Variants in LRRK1 observed in about 807,000 individuals in gnomAD.
LRRK1 encodes the protein leucine-rich repeat serine/threonine-protein kinase 1.
In LRRK1, 113 loss-of-function variants were observed where a neutral mutation model predicts 209.1. The observed-to-expected ratio is 0.54, with a 90% CI of 0.46 to 0.63. The LOEUF is 0.63. LRRK1 is among the 30% of genes least tolerant of loss of function. LRRK1 has a pLI of 0.00. For missense variants in LRRK1, 2,284 were observed against 2,632.2 expected, an observed-to-expected ratio of 0.87 and a Z score of 2.89; for synonymous variants, 1,144 against 1,099.7, an observed-to-expected ratio of 1.04 and a Z score of -0.80.
intron 6 of LRRK1, among the ~76,000 whole-genome samples, chr15:100,995,894 G>C (rs1417260841): frequency 6.6e-6 from 1 of 152,236 alleles, no homozygotes; most frequent in Non-Finnish European, 1.5e-5. Flanking sequence ...TAAAGAGAGA[G>C]GGACATCTAT....
chr15:101,027,123 A>C lies in LRRK1; in HGVS notation c.2406-138A>C, dbSNP rs1055352917. 2 of 1,084,224 alleles carry C rather than the reference A, an allele frequency of 1.8e-6. No individual in the cohort carries two copies. Among genetic ancestry groups the C allele is most frequent in the Non-Finnish European group, 2.6e-6 (2 of 760,788 alleles). The allele number at this position is 1,084,224 out of a possible 1,614,324, so 67.2% of individuals were successfully genotyped here. ...AGTGATTTGCACAAAGCAAGGCCTC[A>C]ATAAACTTCTTGTGTTGTCTTTCAC... On this transcript the variant is annotated intron_variant, in intron 17 of 33. Coordinates refer to ENST00000388948, the MANE Select transcript of LRRK1 (RefSeq NM_024652.6). The surrounding 1 kb of genome is among the most constrained non-coding windows in gnomAD (Gnocchi z 5.1).
chr15:100,956,570 A>G (rs2042769757), intron 2 of LRRK1, among the ~76,000 whole-genome samples: 1 of 149,270 alleles, frequency 6.7e-6, no homozygotes. Context: ...GGTTCAAGCA[A>G]CTCTCTGCCT....
chr15:101,068,626 A>G (rs775874670), intron 33 of LRRK1, 45 bp from the exon 34 acceptor site: 15 of 1,525,048 alleles, frequency 9.8e-6, no homozygotes, highest in South Asian at 9.0e-5. Flanking sequence ...ACCCCACCCG[A>G]GTGGGAACCC....
intron 33 of LRRK1, 56 bp downstream of exon 33, chr15:101,066,797 CCCTGCAGCCAGGT>C: frequency 7.2e-7 from 1 of 1,383,486 alleles, no homozygotes; most frequent in East Asian, 2.3e-5. Flanking sequence ...GCACAGAAGG[CCCTGCAGCCAGGT>C]CCTGCACAGT....
chr15:101,034,449 T>A (rs1442806616), intron 20 of LRRK1, among the ~76,000 whole-genome samples: 1 of 152,078 alleles, frequency 6.6e-6, no homozygotes, highest in East Asian at 1.9e-4. Context: ...AGATAGGGGG[T>A]CTAGTTCCAT....
chr15:101,030,963 T>C (rs1301844403), intron 20 of LRRK1, among the ~76,000 whole-genome samples: 1 of 152,168 alleles, frequency 6.6e-6, no homozygotes, highest in African/African-American at 2.4e-5. Context: ...CGCCTTTGCA[T>C]CCTGACAGCT....
intron 20 of LRRK1, among the ~76,000 whole-genome samples, chr15:101,042,851 A>G (rs888590370): frequency 6.6e-6 from 1 of 151,492 alleles, no homozygotes; most frequent in Non-Finnish European, 1.5e-5. Context: ...CTTTCCTCCT[A>G]CTCTCCTCTG....
chr15:101,002,845 C>T (rs2032765631), intron 6 of LRRK1, among the ~76,000 whole-genome samples: 1 of 152,222 alleles, frequency 6.6e-6, no homozygotes, highest in Admixed American at 6.5e-5. Flanking sequence ...GTGATTCGGC[C>T]TCAGCCTCCC....
In LRRK1 at chr15:100,919,639, C is replaced by A. The variant is rs1188148644; in HGVS notation, c.-123+188C>A. 6.6e-6 allele frequency among the ~76,000 whole-genome samples: 1 copy of A among 150,832 alleles called. No individual in the cohort carries two copies. Among genetic ancestry groups the A allele is most frequent in the Non-Finnish European group, 1.5e-5 (1 of 67,560 alleles). On this transcript the variant is annotated intron_variant, in intron 1 of 33. Transcript: ENST00000388948. This position sits in a 1 kb window ranked among gnomAD's most constrained non-coding sequence, Gnocchi z 5.8. Reference sequence around the variant, plus strand: ...TGCGCAGGGGCCGCGGCCCGAGGGGCGCGGAGGGCGTGTGGGGCGACCCCG... The same window carrying A: ...TGCGCAGGGGCCGCGGCCCGAGGGGAGCGGAGGGCGTGTGGGGCGACCCCG...
Position 100,947,015 on chromosome 15 carries a change from G to C in LRRK1, c.97+22286G>C, listed in dbSNP as rs181666716. On this transcript the variant is annotated intron_variant, in intron 2 of 33. Transcript: ENST00000388948. ...AGACGGAGTCCTGCTCTGTCACCAG[G>C]CTGGAGTGCAGTGTCACGATCTCAG... Among the ~76,000 whole-genome samples the C allele has an allele frequency of 2.0e-5, 3 of 151,906 alleles. No individual in the cohort carries two copies. In the East Asian group the frequency reaches 5.8e-4, roughly 29 times the overall value.
chr15:101,039,058 T>G (rs1246700578), intron 20 of LRRK1, among the ~76,000 whole-genome samples: 2 of 152,218 alleles, frequency 1.3e-5, no homozygotes, highest in Non-Finnish European at 2.9e-5. Context: ...TATGACACCC[T>G]CCAATTTTGT....
intron 3 of LRRK1, among the ~76,000 whole-genome samples, chr15:100,981,976 G>C (rs1348671413): frequency 6.6e-6 from 1 of 152,250 alleles, no homozygotes; most frequent in African/African-American, 2.4e-5. Context: ...AATCTGTGGA[G>C]GCCAGAAATG....
chr15:101,031,698 T>A (rs1453510239), intron 20 of LRRK1, among the ~76,000 whole-genome samples: 3 of 151,980 alleles, frequency 2.0e-5, no homozygotes, highest in Admixed American at 2.0e-4. Flanking sequence ...AGAGACTGTA[T>A]GCTCCTCCAA....
In LRRK1 at chr15:101,045,999, C is replaced by T. The variant is rs2035055460; in HGVS notation, c.2982C>T (p.Leu994=). Residue 994 remains leucine (L), a synonymous_variant, in exon 21 of 34, where the codon CTC becomes CTT. Transcript: ENST00000388948. ...VANDSYLLPH[L]LPSKPGLDTH... ...GTTTCAGCTACCTCCTGCCCCATCTCCTTCCATCTAAACCTGGCCTGGACA... is the reference window on the plus strand; with the variant it reads ...GTTTCAGCTACCTCCTGCCCCATCTTCTTCCATCTAAACCTGGCCTGGACA... 6.2e-7 allele frequency: 1 copy of T among 1,614,178 alleles called. No homozygotes were observed. The highest frequency in any genetic ancestry group is 8.5e-7 in the Non-Finnish European group (1 of 1,180,016).
intron 6 of LRRK1, among the ~76,000 whole-genome samples, chr15:100,997,999 T>G (rs955621049): frequency 8.6e-5 from 13 of 151,870 alleles, no homozygotes; most frequent in South Asian, 4.2e-4. Flanking sequence ...GCCAACATGG[T>G]GAAACCCCCC....
At chr15:101,003,265 T>C (rs2032789053) in intron 6 of LRRK1, among the ~76,000 whole-genome samples, 1 of 152,174 alleles carries the variant, frequency 6.6e-6, no homozygotes, top group Non-Finnish European at 1.5e-5. Flanking sequence ...GACTTCTGCT[T>C]TTTACCACTT....
chr15:100,964,915 A>G (rs1247028338), intron 2 of LRRK1, among the ~76,000 whole-genome samples: 1 of 152,210 alleles, frequency 6.6e-6, no homozygotes, highest in Non-Finnish European at 1.5e-5. Flanking sequence ...AAAACAGTAC[A>G]AAGAGAATTT....
At chr15:100,973,255 C>G (rs7166631) in intron 2 of LRRK1, among the ~76,000 whole-genome samples, 8,159 of 152,322 alleles carry the variant, frequency 0.054, 339 homozygotes, top group African/African-American at 0.11. Flanking sequence ...CAGCGCGACC[C>G]GAGGCCCGGT....
chr15:101,058,600 G>T (rs2035952137), intron 29 of LRRK1, among the ~76,000 whole-genome samples: 1 of 129,262 alleles, frequency 7.7e-6, no homozygotes, highest in Non-Finnish European at 1.6e-5. Context: ...TGCTGCCCCA[G>T]ATTGCAGAAG....
Sources: allele counts gnomAD v4.1 joint callset (sites outside exome capture counted in the v4.1 genomes callset), GRCh38; gene constraint gnomAD v4.1.1; non-coding constraint Gnocchi (gnomAD v3.1); transcripts MANE v1.5; gene names NCBI Gene and HGNC (gene_info 2026-07-23, HGNC 2026-07-21).